The following ECE1 variants were observed in gnomAD, a reference collection of about 807,000 sequenced individuals.
The protein encoded by ECE1 is endothelin-converting enzyme 1.
In ECE1, 35 loss-of-function variants were observed where a neutral mutation model predicts 98.6. That is an observed-to-expected ratio of 0.35 (90% CI 0.27 to 0.47). ECE1 has a LOEUF of 0.47. Ranked by LOEUF, ECE1 falls within the 20% of genes least tolerant of loss-of-function variation. The probability of loss-of-function intolerance (pLI) is 1.00; values close to 1 mark genes in which losing one functional copy is unlikely to be tolerated. For missense variants in ECE1, 814 were observed against 1,025.3 expected (o/e 0.79, Z 2.81); for synonymous variants, 394 against 407.1 (o/e 0.97, Z 0.39).
chr1:21,315,473 G>A (rs1638811597), intron 1 of ECE1, among the ~76,000 whole-genome samples: 1 of 152,092 alleles, frequency 6.6e-6, no homozygotes, highest in Admixed American at 6.6e-5. Context: ...AAGTCCTAGG[G>A]GCTTGTATAT....
At position 21,227,916 on chromosome 1, in the gene ECE1, C is replaced by T; in HGVS notation, c.1781+15G>A. The T allele has an allele frequency of 6.5e-7, 1 of 1,549,334 alleles. No individual in the cohort carries two copies. The highest frequency in any genetic ancestry group is 8.7e-7 in the Non-Finnish European group (1 of 1,145,280). On this transcript the variant is annotated intron_variant, in intron 15 of 18. Coordinates refer to ENST00000374893, the MANE Select transcript of ECE1 (RefSeq NM_001397.3). ...GGGGAAAAGAATTGGGGTAGGGGCC[C>T]CAGAGGCAGCCTACTTGGGTGAGGA...
Position 21,290,381 on chromosome 1 carries a change from G to A in ECE1, c.34C>T (p.Leu12=), listed in dbSNP as rs1343214376. The change falls in exon 1 of 19, where the codon CTG becomes TTG. Residue 12 remains leucine, a synonymous_variant. Coordinates refer to ENST00000374893, the MANE Select transcript of ECE1 (RefSeq NM_001397.3). This position sits in a 1 kb window ranked among gnomAD's most constrained non-coding sequence, Gnocchi z 7.3. The part of the protein sequence containing the change: ...RGVWPPPVSA[L]LSALGMSTYK... The stretch of plus-strand genomic sequence containing the variant: ...CGCCTCACCCCCAGCGCCGACAGCA[G>A]GGCGGACACCGGGGGCGGCCACACG... The A allele has an allele frequency of 8.1e-7, 1 of 1,231,538 alleles. No individual in the cohort carries two copies. The highest frequency in any genetic ancestry group is 1.0e-6 in the Non-Finnish European group (1 of 989,300). The allele number at this position is 1,231,538 out of a possible 1,614,324, so 76.3% of individuals were successfully genotyped here. A position where few individuals can be genotyped will look rare whatever the true frequency, so the allele number is the denominator to read the frequency against.
chr1:21,234,517 C>T (rs955984104), intron 13 of ECE1, among the ~76,000 whole-genome samples: 4 of 151,676 alleles, frequency 2.6e-5, no homozygotes, highest in East Asian at 3.9e-4. Context: ...CTTGCTCTGT[C>T]GCCCACGCTG....
At chr1:21,271,345 T>C (rs1420802987) in intron 4 of ECE1, among the ~76,000 whole-genome samples, 1 of 152,232 alleles carries the variant, frequency 6.6e-6, no homozygotes, top group African/African-American at 2.4e-5. Context: ...CCAGTTGCCT[T>C]AAATTGTTAA....
chr1:21,263,234 G>A (rs2098229357), intron 4 of ECE1, among the ~76,000 whole-genome samples: 1 of 152,200 alleles, frequency 6.6e-6, no homozygotes, highest in Non-Finnish European at 1.5e-5. Context: ...GGACCTAGTA[G>A]GCCCCTAGCA....
At chr1:21,302,374 G>A (rs770257248) in intron 1 of ECE1, among the ~76,000 whole-genome samples, 1 of 152,214 alleles carries the variant, frequency 6.6e-6, no homozygotes, top group Non-Finnish European at 1.5e-5. Flanking sequence ...CTGTGACCCG[G>A]GGAGTCTACC....
At position 21,258,278 on chromosome 1, in the gene ECE1, T is replaced by C. The variant is rs555417710; in HGVS notation, c.762+415A>G. Among the ~76,000 whole-genome samples the C allele has an allele frequency of 2.0e-5, 3 of 152,294 alleles. No homozygotes were observed. In the South Asian group the frequency reaches 6.2e-4, roughly 32 times the overall value. ...GGGTTTCTCACTTCTGCATTGGAGG[T>C]TGGGGCAGACCAGTGCTGGAGCTCC... is the stretch of plus-strand genomic sequence containing the variant. On this transcript the variant is annotated intron_variant, in intron 6 of 18. Coordinates refer to ENST00000374893, the MANE Select transcript of ECE1 (RefSeq NM_001397.3). This position sits in a 1 kb window ranked among gnomAD's most constrained non-coding sequence, Gnocchi z 4.2.
At chr1:21,339,783 C>T (rs897834599) in intron 1 of ECE1, among the ~76,000 whole-genome samples, 1 of 152,108 alleles carries the variant, frequency 6.6e-6, no homozygotes, top group African/African-American at 2.4e-5. Flanking sequence ...TTTACACCTC[C>T]CCCCAGGAAG....
rs563985263 is a variant in ECE1 at position 21,228,014 on chromosome 1, G to A, written c.1698C>T (p.Asn566=). Residue 566 remains asparagine, a synonymous_variant, in exon 15 of 19, where the codon AAC becomes AAT. Coordinates refer to ENST00000374893, the MANE Select transcript of ECE1 (RefSeq NM_001397.3). ...DQWSMTPPMV[N]AYYSPTKNEI... is the part of the protein sequence containing the mutation. ...CATTCTTGGTGGGCGAGTAGTAGGC[G>A]TTCACCATGGGCGGGGTCATGCTCC... The A allele has an allele frequency of 4.8e-5, 75 of 1,564,098 alleles. No homozygotes were observed. The highest frequency in any genetic ancestry group is 9.4e-5 in the Admixed American group (5 of 52,952).
intron 4 of ECE1, among the ~76,000 whole-genome samples, chr1:21,261,588 C>T (rs1427087718): frequency 6.6e-6 from 1 of 152,182 alleles, no homozygotes; most frequent in East Asian, 1.9e-4. Context: ...TACCTGTGTC[C>T]ACCATTAGAC....
chr1:21,344,551 G>A (rs1569802846), intron 1 of ECE1, among the ~76,000 whole-genome samples: 1 of 152,148 alleles, frequency 6.6e-6, no homozygotes, highest in African/African-American at 2.4e-5. Flanking sequence ...TTGGGGTCCA[G>A]GGACAATGCC....
intron 1 of ECE1, among the ~76,000 whole-genome samples, chr1:21,308,285 A>G (rs1333474956): frequency 6.6e-6 from 1 of 151,722 alleles, no homozygotes; most frequent in African/African-American, 2.4e-5. Context: ...GCCCTCATAC[A>G]CCCTGCTAGG....
rs899474547 is a variant in ECE1, at chr1:21,219,539, TA to T, written c.*415del. 591 of 192,980 alleles carry T rather than the reference TA, an allele frequency of 3.1e-3. No homozygotes were observed. Among genetic ancestry groups the T allele is most frequent in the East Asian group, 6.3e-3 (51 of 8,152 alleles). 12.0% of individuals were successfully genotyped at this position (192,980 alleles called of 1,614,324 possible). A position where few individuals can be genotyped will look rare whatever the true frequency, so the allele number is the denominator to read the frequency against. On this transcript the variant is annotated 3_prime_UTR_variant, in exon 19 of 19. Transcript: ENST00000374893. The surrounding 1 kb of genome is among the most constrained non-coding windows in gnomAD (Gnocchi z 4.5). ...ATAATAAATATACCAATTCTTTCCT[TA>T]AAAAAAAAAGTGTTTAAATGTGTTT... is the stretch of plus-strand genomic sequence containing the variant.
intron 1 of ECE1, among the ~76,000 whole-genome samples, chr1:21,325,663 A>G (rs1639062459): frequency 6.6e-6 from 1 of 152,248 alleles, no homozygotes; most frequent in South Asian, 2.1e-4. Flanking sequence ...TGGGGACACA[A>G]TAGGACCCAC....
At chr1:21,250,683 C>T (rs1416572755) in intron 8 of ECE1, among the ~76,000 whole-genome samples, 1 of 152,324 alleles carries the variant, frequency 6.6e-6, no homozygotes, top group Middle Eastern at 3.4e-3. Flanking sequence ...ATGACACCCT[C>T]TGTGAGGGAG....
chr1:21,269,628 G>A (rs1027118150), intron 4 of ECE1, among the ~76,000 whole-genome samples: 9 of 152,184 alleles, frequency 5.9e-5, no homozygotes, highest in African/African-American at 1.7e-4. Flanking sequence ...GTGCTTTGAC[G>A]AGCACCTACT....
chr1:21,256,283 T>A, intron 7 of ECE1, 145 bp from the exon 8 acceptor site: 1 of 947,318 alleles, frequency 1.1e-6, no homozygotes, highest in Non-Finnish European at 1.5e-6. Context: ...GGGCCAGGTG[T>A]GGTGGCTCAC....
chr1:21,295,821 A>G (rs1638339010), intron 1 of ECE1, among the ~76,000 whole-genome samples: 1 of 152,232 alleles, frequency 6.6e-6, no homozygotes, highest in African/African-American at 2.4e-5. Context: ...TCAGGCAATT[A>G]AGACAGACCT....
upstream of ECE1, among the ~76,000 whole-genome samples, chr1:21,292,978 C>T (rs572016215): frequency 8.3e-4 from 127 of 152,266 alleles, 1 homozygote; most frequent in Admixed American, 6.1e-3. Flanking sequence ...GGTTACACTA[C>T]GTTACCAGGT....
Sources: gnomAD v4.1 joint callset for allele counts (sites outside exome capture counted in the v4.1 genomes callset) on GRCh38, gnomAD v4.1.1 for gene constraint, Gnocchi (gnomAD v3.1) non-coding constraint, MANE v1.5 for transcripts, NCBI Gene and HGNC (gene_info 2026-07-23, HGNC 2026-07-21) for gene names.